Variants in DMD observed in about 807,000 individuals in gnomAD.
DMD encodes mutant dystrophin.
A neutral mutation model predicts 330.1 loss-of-function variants in DMD; 63 were observed. The observed-to-expected ratio is 0.19, with a 90% CI of 0.16 to 0.24. DMD has a LOEUF of 0.24. DMD is among the 10% of genes least tolerant of loss of function. The pLI is 1.00. For missense variants in DMD, 3,344 were observed against 2,684.1 expected (o/e 1.25, Z -5.43); for synonymous variants, 1,223 against 959.8 (o/e 1.27, Z -5.07).
At chrX:33,139,868 T>TAAGAAAAAAAAAAAAAAAAA (rs2047702566) in intron 1 of DMD, among the ~76,000 whole-genome samples, 1 of 64,379 alleles carries the variant, frequency 1.6e-5, no homozygotes, top group African/African-American at 8.0e-5. Context: ...GCCCCATCGC[T>TAAGAAAAAAAAAAAAAAAAA]AAAAAAAAAA....
At chrX:31,927,145 T>A in intron 47 of DMD, among the ~76,000 whole-genome samples, 1 of 112,600 alleles carries the variant, frequency 8.9e-6, no homozygotes, top group East Asian at 2.8e-4. Flanking sequence ...GATGATTAAA[T>A]AATTTTAATA....
At chrX:31,991,382 T>TG (rs2095549579) in intron 44 of DMD, among the ~76,000 whole-genome samples, 2 of 110,232 alleles carry the variant, frequency 1.8e-5, no homozygotes, top group South Asian at 7.6e-4. Context: ...TCTAAGAACT[T>TG]GGAAAAAAAA....
chrX:31,524,169 T>C (rs1266785777), intron 55 of DMD, among the ~76,000 whole-genome samples: 1 of 112,075 alleles, frequency 8.9e-6, no homozygotes, highest in African/African-American at 3.2e-5. Context: ...AACGCTTCCT[T>C]CAGCTTATCA....
intron 30 of DMD, among the ~76,000 whole-genome samples, chrX:32,395,106 G>A (rs2098034705): frequency 1.8e-5 from 2 of 110,787 alleles, no homozygotes; most frequent in Admixed American, 1.9e-4. Flanking sequence ...TAACTAGGAA[G>A]TAACAAACTT....
At chrX:31,552,560 T>C (rs1428485875) in intron 55 of DMD, among the ~76,000 whole-genome samples, 1 of 111,241 alleles carries the variant, frequency 9.0e-6, no homozygotes, top group Non-Finnish European at 1.9e-5. Context: ...CCTTCTTTTA[T>C]TAGGGAGTGC....
intron 44 of DMD, among the ~76,000 whole-genome samples, chrX:32,054,690 T>C (rs920868623): frequency 9.2e-6 from 1 of 108,966 alleles, no homozygotes; most frequent in African/African-American, 3.3e-5. Context: ...GCTGATACTA[T>C]GGAAATGACC....
intron 44 of DMD, among the ~76,000 whole-genome samples, chrX:32,088,117 A>T (rs1441278727): frequency 8.9e-6 from 1 of 112,366 alleles, no homozygotes; most frequent in African/African-American, 3.2e-5. Context: ...CATATGTTAA[A>T]TTGGGCTACT....
chrX:32,205,027 A>C (rs1159894680), intron 44 of DMD, among the ~76,000 whole-genome samples: 41 of 84,349 alleles, frequency 4.9e-4, no homozygotes, highest in African/African-American at 1.7e-3. Context: ...ACACACACAC[A>C]CACACACACA....
chrX:31,154,397 A>G (rs1230851593), intron 74 of DMD, among the ~76,000 whole-genome samples: 2 of 108,753 alleles, frequency 1.8e-5, no homozygotes, highest in Admixed American at 2.0e-4. Context: ...CTGGGTTCAC[A>G]TTCTCCTGCC....
intron 41 of DMD, among the ~76,000 whole-genome samples, chrX:32,327,815 T>C (rs2097658902): frequency 8.9e-6 from 1 of 112,032 alleles, no homozygotes; most frequent in Non-Finnish European, 1.9e-5. Flanking sequence ...CACTCCATTT[T>C]AGATCATATA....
At chrX:32,573,961 G>A (rs1483451657) in intron 13 of DMD, 115 bp from the exon 14 acceptor site, 11 of 570,315 alleles carry the variant, frequency 1.9e-5, no homozygotes, top group Non-Finnish European at 3.0e-5. Flanking sequence ...GCTAGAAGTT[G>A]GAAGGGACAC....
At chrX:33,291,295 TATC>T (rs781717497) in intron 1 of DMD, among the ~76,000 whole-genome samples, 1 of 111,243 alleles carries the variant, frequency 9.0e-6, no homozygotes, top group East Asian at 2.8e-4. Flanking sequence ...CCACAGACAA[TATC>T]ATAGTGAATG....
At chrX:32,670,964 A>G (rs1479045269) in intron 9 of DMD, among the ~76,000 whole-genome samples, 1 of 110,988 alleles carries the variant, frequency 9.0e-6, no homozygotes, top group Non-Finnish European at 1.9e-5. Context: ...AATAATATAC[A>G]TATAAAGTAC....
intron 29 of DMD, among the ~76,000 whole-genome samples, chrX:32,421,052 C>T (rs140534320): frequency 0.015 from 1,667 of 111,747 alleles, 19 homozygotes; most frequent in Middle Eastern, 0.037. Flanking sequence ...TGGAAAAATG[C>T]TCCTCTCTCC....
At chrX:33,074,413 A>AT (rs199673088) in intron 1 of DMD, among the ~76,000 whole-genome samples, 3,071 of 86,681 alleles carry the variant, frequency 0.035, 104 homozygotes, top group African/African-American at 0.16. Flanking sequence ...TTTTAACACT[A>AT]TATTTTTTTT....
intron 63 of DMD, among the ~76,000 whole-genome samples, chrX:31,258,996 A>C (rs868030862): frequency 9.0e-6 from 1 of 110,993 alleles, no homozygotes; most frequent in African/African-American, 3.3e-5. Context: ...ACTTCTATAA[A>C]AATATATGTA....
chrX:32,121,729 CA>C (rs904183939), intron 44 of DMD, among the ~76,000 whole-genome samples: 7 of 88,221 alleles, frequency 7.9e-5, no homozygotes, highest in Non-Finnish European at 1.3e-4. Context: ...TGGAAGGAGT[CA>C]AAAAAAATGT....
intron 51 of DMD, among the ~76,000 whole-genome samples, chrX:31,751,678 C>T (rs1343877602): frequency 1.8e-5 from 2 of 112,002 alleles, no homozygotes; most frequent in Non-Finnish European, 3.8e-5. Context: ...CCAGACCCCA[C>T]TTTTATTCCT....
chrX:32,295,130 A>G (rs1383018422), intron 42 of DMD, among the ~76,000 whole-genome samples: 1 of 111,977 alleles, frequency 8.9e-6, no homozygotes, highest in Non-Finnish European at 1.9e-5. Flanking sequence ...TTCCGCTGAA[A>G]TTCTGTAAGA....
Sources: gnomAD v4.1 joint callset for allele counts (sites outside exome capture counted in the v4.1 genomes callset) on GRCh38, gnomAD v4.1.1 for gene constraint, MANE v1.5 for transcripts, NCBI Gene and HGNC (gene_info 2026-07-23, HGNC 2026-07-21) for gene names.